Variants in MATK observed in about 807,000 individuals in gnomAD.
MATK encodes megakaryocyte-associated tyrosine kinase.
In MATK, 41 loss-of-function variants were observed where a neutral mutation model predicts 59.8. That is an observed-to-expected ratio of 0.69 (90% CI 0.53 to 0.89). The LOEUF (loss-of-function observed/expected upper bound fraction) is 0.89. MATK is among the 40% of genes least tolerant of loss of function. The pLI, the probability that MATK is intolerant of heterozygous loss-of-function variation, is 0.00. For missense variants in MATK, 593 were observed against 719.6 expected (o/e 0.82, Z 2.01); for synonymous variants, 308 against 306.1 (o/e 1.01, Z -0.06).
chr19:3,784,895 GA>G lies in MATK; in HGVS notation c.73-12del. 4.6e-6 allele frequency: 7 copies of G among 1,512,228 alleles called. No homozygotes were observed. The highest frequency in any genetic ancestry group is 5.4e-6 in the Non-Finnish European group (6 of 1,110,762). 93.7% of individuals were successfully genotyped at this position (1,512,228 alleles called of 1,614,324 possible). A position where few individuals can be genotyped will look rare whatever the true frequency, so the allele number is the denominator to read the frequency against. On this transcript the variant is annotated splice_polypyrimidine_tract_variant and intron_variant, in intron 2 of 13. Coordinates refer to ENST00000310132, the MANE Select transcript of MATK (RefSeq NM_139355.3). ...GAAGCGGGGGCTCACCTGGGGAGGG[GA>G]CAGAGTCCAGGTGGGAGCTGGGCTG...
chr19:3,781,567 C>T, intron 8 of MATK, 40 bp downstream of exon 8: 2 of 1,606,908 alleles, frequency 1.2e-6, no homozygotes, highest in Non-Finnish European at 1.7e-6. Context: ...TACGCACCTC[C>T]CATCTTCCTT....
At chr19:3,801,357 C>G (rs907012235) in intron 1 of MATK, among the ~76,000 whole-genome samples, 1 of 152,176 alleles carries the variant, frequency 6.6e-6, no homozygotes, top group African/African-American at 2.4e-5. Context: ...GCCTGCAAGG[C>G]TGACTGTGAC....
chr19:3,783,130 G>A lies in MATK; in HGVS notation c.672C>T (p.Ala224=). 6.2e-7 allele frequency: 1 copy of A among 1,613,894 alleles called. No homozygotes were observed. Among genetic ancestry groups the A allele is most frequent in the Non-Finnish European group, 8.5e-7 (1 of 1,179,928 alleles). ...HGTKSAEEEL[A]RAGWLLNLQH... is the part of the protein sequence containing the mutation. ...GCCCTCCTGGGCGTCCCCTACCCCT[G>A]GCCAGCTCCTCCTCGGCCGACTTGG... The change falls in exon 7 of 14, where the codon GCC becomes GCT. Residue 224 remains alanine, a synonymous_variant. Transcript: ENST00000310132.
chr19:3,789,537 T>G (rs924755773), upstream of MATK: 2 of 502,842 alleles, frequency 4.0e-6, no homozygotes. Context: ...AAGGAGCTGG[T>G]GTTGGGTTCG....
At position 3,783,945 on chromosome 19, in the gene MATK, G is replaced by C. The variant is rs759655854; in HGVS notation, c.451C>G (p.Arg151Gly). 5 of 1,612,528 alleles carry C rather than the reference G, an allele frequency of 3.1e-6. No homozygotes were observed. Among genetic ancestry groups the C allele is most frequent in the Admixed American group, 1.7e-5 (1 of 59,976 alleles). The change falls in exon 6 of 14, where the codon CGC becomes GGC. Residue 151 changes from arginine (R) to glycine (G), a missense_variant. By Grantham distance (125) the Arg-to-Gly change is moderately radical. Coordinates refer to ENST00000310132, the MANE Select transcript of MATK (RefSeq NM_139355.3). ...DGLFLVRESA[R>G]HPGDYVLCVS... is the part of the protein sequence containing the mutation. The stretch of plus-strand genomic sequence containing the variant: ...CACAGGACGTAGTCGCCGGGGTGGC[G>C]CGCGGACTCCCGCACCAGGAACAGC...
chr19:3,786,377 G>C lies in MATK; in HGVS notation c.-360C>G, dbSNP rs951464785. 1.0e-6 allele frequency: 1 copy of C among 982,182 alleles called. No individual in the cohort carries two copies. Among genetic ancestry groups the C allele is most frequent in the East Asian group, 1.1e-4 (1 of 8,744 alleles). 60.8% of individuals were successfully genotyped at this position (982,182 alleles called of 1,614,324 possible). ...GCCCCCGCGGGTCCTAGCGCCGGCC[G>C]CACTGCGGTCTCCTCCGCGCGCCGC... On this transcript the variant is annotated 5_prime_UTR_variant, in exon 1 of 14. Coordinates refer to ENST00000310132, the MANE Select transcript of MATK (RefSeq NM_139355.3). This position sits in a 1 kb window ranked among gnomAD's most constrained non-coding sequence, Gnocchi z 4.1.
In MATK at chr19:3,779,037, G is replaced by T; in HGVS notation, c.1152C>A (p.Ser384Arg). ...GCGCCGTCCACTTGACGGGCAGCCG[G>T]CTTGAGTCTAGCCCCTTCCGCTCGG... is the stretch of plus-strand genomic sequence containing the variant. ...AKAERKGLDS[S>R]RLPVKWTAPE... The change falls in exon 12 of 14, where the codon AGC becomes AGA. Residue 384 changes from serine (S) to arginine (R), a missense_variant. By Grantham distance (110) the Ser-to-Arg change is moderately radical. Coordinates refer to ENST00000310132, the MANE Select transcript of MATK (RefSeq NM_139355.3). 6.3e-7 allele frequency: 1 copy of T among 1,589,272 alleles called. No individual in the cohort carries two copies. Among genetic ancestry groups the T allele is most frequent in the Non-Finnish European group, 8.6e-7 (1 of 1,169,200 alleles).
upstream of MATK, chr19:3,789,297 C>G (rs763161077): frequency 2.6e-6 from 2 of 779,432 alleles, no homozygotes; most frequent in Non-Finnish European, 4.8e-6. Flanking sequence ...GACCACGGGT[C>G]CCTCGCCGAG....
intron 1 of MATK, among the ~76,000 whole-genome samples, chr19:3,792,026 T>G (rs527313299): frequency 6.6e-6 from 1 of 151,906 alleles, no homozygotes; most frequent in African/African-American, 2.4e-5. Flanking sequence ...GAGAATCGCT[T>G]GAATCCAGGA....
At position 3,779,801 on chromosome 19, in the gene MATK, G is replaced by A. The variant is rs752445064; in HGVS notation, c.743-4C>T. 1 of 1,566,758 alleles carries A rather than the reference G, an allele frequency of 6.4e-7. No homozygotes were observed. Among genetic ancestry groups the A allele is most frequent in the Non-Finnish European group, 8.8e-7 (1 of 1,138,156 alleles). On this transcript the variant is annotated splice_polypyrimidine_tract_variant and splice_region_variant and intron_variant, in intron 8 of 13. Coordinates refer to ENST00000310132, the MANE Select transcript of MATK (RefSeq NM_139355.3). Reference sequence around the variant, plus strand: ...AGGTACTCACCCTGCAGGACAGCTGGGGGGTGGGGGTGGGGAACGGGGTGA... The same window carrying A: ...AGGTACTCACCCTGCAGGACAGCTGAGGGGTGGGGGTGGGGAACGGGGTGA...
chr19:3,778,802 CG>C (rs1222846228), intron 12 of MATK, among the ~76,000 whole-genome samples, 189 bp downstream of exon 12: 1 of 152,206 alleles, frequency 6.6e-6, no homozygotes, highest in Admixed American at 6.5e-5. Context: ...CCTGAGCCCA[CG>C]CCTTTTTCAG....
chr19:3,786,248 C>T lies in MATK; in HGVS notation c.-231G>A. On this transcript the variant is annotated 5_prime_UTR_variant, in exon 1 of 14. Coordinates refer to ENST00000310132, the MANE Select transcript of MATK (RefSeq NM_139355.3). The surrounding 1 kb of genome is among the most constrained non-coding windows in gnomAD (Gnocchi z 4.1). ...CGCGAGCCGGCTGCACACCCCGAGG[C>T]GGTCCCGGCTGCACAACTTGGAGCG... 1 of 985,324 alleles carries T rather than the reference C, an allele frequency of 1.0e-6. No homozygotes were observed. The highest frequency in any genetic ancestry group is 1.7e-5 in the African/African-American group (1 of 57,336). The allele number at this position is 985,324 out of a possible 1,614,324, so 61.0% of individuals were successfully genotyped here. A position where few individuals can be genotyped will look rare whatever the true frequency, so the allele number is the denominator to read the frequency against.
intron 1 of MATK, among the ~76,000 whole-genome samples, chr19:3,801,367 C>G (rs11878611): frequency 0.37 from 55,713 of 151,954 alleles, 11,800 homozygotes; most frequent in East Asian, 0.49. Context: ...CTGACTGTGA[C>G]TGGGCCGGGG....
chr19:3,779,533 C>T lies in MATK; in HGVS notation c.927G>A (p.Lys309=), dbSNP rs1388135926. 1.2e-6 allele frequency: 2 copies of T among 1,611,468 alleles called. No individual in the cohort carries two copies. The highest frequency in any genetic ancestry group is 1.7e-4 in the Middle Eastern group (1 of 6,016). ...GLYIVMEHVS[K]GNLVNFLRTR... is the part of the protein sequence containing the mutation. ...CCTCCCCGCCTGGGCCCCGCCCCAC[C>T]TTGCTCACGTGCTCCATGACAATGT... Residue 309 remains lysine, a splice_region_variant and synonymous_variant, in exon 10 of 14, where the codon AAG becomes AAA. Coordinates refer to ENST00000310132, the MANE Select transcript of MATK (RefSeq NM_139355.3).
At chr19:3,795,072 G>A (rs568678599) in intron 1 of MATK, among the ~76,000 whole-genome samples, 1 of 143,622 alleles carries the variant, frequency 7.0e-6, no homozygotes, top group Admixed American at 7.4e-5. Flanking sequence ...CCACCTCCCA[G>A]GTTCACACCA....
chr19:3,793,227 T>TG (rs1247302475), intron 1 of MATK: 2 of 152,236 alleles, frequency 1.3e-5, no homozygotes, highest in African/African-American at 2.4e-5. Context: ...CAGCCACACT[T>TG]GCAGGTTTCA....
At chr19:3,788,097 T>TTAATA (rs747060842), upstream of MATK, among the ~76,000 whole-genome samples, 4,294 of 133,750 alleles carry the variant, frequency 0.032, 68 homozygotes, top group Middle Eastern at 0.047. Context: ...ATTATTAATA[T>TTAATA]TTATATTATA....
At chr19:3,793,461 TG>T (rs2037562510) in intron 1 of MATK, 1 of 152,138 alleles carries the variant, frequency 6.6e-6, no homozygotes, top group African/African-American at 2.4e-5. Context: ...CCCAGCACTT[TG>T]GGAGGCTGAG....
At chr19:3,799,626 G>C (rs534579449) in intron 1 of MATK, among the ~76,000 whole-genome samples, 93 of 146,500 alleles carry the variant, frequency 6.3e-4, no homozygotes, top group African/African-American at 2.2e-3. Flanking sequence ...GATCACCTGG[G>C]GTCAGGAGTT....
Sources: gnomAD v4.1 joint callset for allele counts (sites outside exome capture counted in the v4.1 genomes callset) on GRCh38, gnomAD v4.1.1 for gene constraint, Gnocchi (gnomAD v3.1) non-coding constraint, MANE v1.5 for transcripts, NCBI Gene and HGNC (gene_info 2026-07-23, HGNC 2026-07-21) for gene names.